Variants in EPHA3 observed in about 807,000 individuals in gnomAD.
EPHA3 encodes ephrin type-A receptor 3.
A neutral mutation model predicts 107.1 loss-of-function variants in EPHA3; 42 were observed. The observed-to-expected ratio is 0.39, with a 90% confidence interval of 0.31 to 0.51. The LOEUF (loss-of-function observed/expected upper bound fraction) is 0.51. Among genes scored for constraint, EPHA3 ranks in the 20% least tolerant of loss-of-function variants. EPHA3 has a pLI of 0.78. For synonymous variants in EPHA3, 461 were observed against 424.8 expected, an observed-to-expected ratio of 1.09 and a Z score of -1.05; for missense variants, 1,183 against 1,211.2, an observed-to-expected ratio of 0.98 and a Z score of 0.35.
intron 11 of EPHA3, 63 bp downstream of exon 11, chr3:89,419,453 C>A: frequency 5.0e-6 from 7 of 1,406,024 alleles, no homozygotes; most frequent in South Asian, 1.6e-5. Context: ...TTAAACCCAA[C>A]CCCAACCATT....
At chr3:89,205,570 C>T (rs1464006183) in intron 2 of EPHA3, among the ~76,000 whole-genome samples, 1 of 152,062 alleles carries the variant, frequency 6.6e-6, no homozygotes, top group African/African-American at 2.4e-5. Flanking sequence ...CCTATGTGGT[C>T]TAATAATTAA....
At chr3:89,169,425 T>C (rs1396975086) in intron 2 of EPHA3, among the ~76,000 whole-genome samples, 1 of 152,186 alleles carries the variant, frequency 6.6e-6, no homozygotes, top group Non-Finnish European at 1.5e-5. Context: ...TCATTCTCTG[T>C]TACTTATAAC....
intron 1 of EPHA3, among the ~76,000 whole-genome samples, chr3:89,117,268 A>ATTTTACT (rs1707280063): frequency 6.6e-6 from 1 of 152,080 alleles, no homozygotes; most frequent in Admixed American, 6.5e-5. Context: ...AGACTTTAAA[A>ATTTTACT]TTTTACTTTT....
At chr3:89,407,807 A>T (rs1223032278) in intron 8 of EPHA3, among the ~76,000 whole-genome samples, 4 of 152,130 alleles carry the variant, frequency 2.6e-5, no homozygotes, top group Non-Finnish European at 4.4e-5. Context: ...CACATTCTAA[A>T]GCCATTATAA....
At chr3:89,351,505 C>T (rs1318388342) in intron 5 of EPHA3, among the ~76,000 whole-genome samples, 15 of 150,244 alleles carry the variant, frequency 1.0e-4, no homozygotes, top group African/African-American at 2.9e-4. Context: ...CACTGGCCTG[C>T]GCCCACTGTC....
chr3:89,224,388 G>A (rs1385491702), intron 3 of EPHA3, among the ~76,000 whole-genome samples: 11 of 152,108 alleles, frequency 7.2e-5, no homozygotes, highest in Non-Finnish European at 1.3e-4. Context: ...GCTGTATTAG[G>A]TAACACCAAA....
At chr3:89,321,469 G>A (rs1707042223) in intron 3 of EPHA3, among the ~76,000 whole-genome samples, 1 of 152,054 alleles carries the variant, frequency 6.6e-6, no homozygotes, top group Admixed American at 6.6e-5. Context: ...ACTCCATTAA[G>A]TCAGTTCTGA....
intron 15 of EPHA3, 25 bp downstream of exon 15, chr3:89,450,395 G>T (rs372505984): frequency 6.3e-7 from 1 of 1,589,226 alleles, no homozygotes; most frequent in Non-Finnish European, 8.6e-7. Context: ...TTGTTATCTG[G>T]CATTCACTCT....
chr3:89,413,595 C>A (rs1696936999), intron 10 of EPHA3, among the ~76,000 whole-genome samples: 1 of 151,726 alleles, frequency 6.6e-6, no homozygotes, highest in East Asian at 1.9e-4. Flanking sequence ...TCAATTTAGA[C>A]AACCCAGGTA....
intron 9 of EPHA3, among the ~76,000 whole-genome samples, chr3:89,410,925 C>T (rs1035250851): frequency 4.0e-5 from 6 of 151,796 alleles, no homozygotes; most frequent in African/African-American, 1.5e-4. Context: ...GTGACTCTCC[C>T]ATCTGTATTT....
intron 15 of EPHA3, 75 bp downstream of exon 15, chr3:89,450,445 A>T (rs2107555774): frequency 7.0e-7 from 1 of 1,433,246 alleles, no homozygotes; most frequent in Non-Finnish European, 9.6e-7. Flanking sequence ...TAATTTTTTT[A>T]GCCCACCCCC....
chr3:89,337,065 A>G (rs1046134575), intron 3 of EPHA3, among the ~76,000 whole-genome samples: 2 of 151,626 alleles, frequency 1.3e-5, no homozygotes, highest in Non-Finnish European at 2.9e-5. Context: ...GCTCAAAAAA[A>G]GAAAAAAAAA....
chr3:89,202,206 A>G (rs1289742777), intron 2 of EPHA3, among the ~76,000 whole-genome samples: 2 of 151,950 alleles, frequency 1.3e-5, no homozygotes, highest in Admixed American at 1.3e-4. Flanking sequence ...GAAAAATCAC[A>G]TTTTGTGGCC....
intron 3 of EPHA3, among the ~76,000 whole-genome samples, chr3:89,306,430 A>C (rs1706623177): frequency 6.6e-6 from 1 of 152,184 alleles, no homozygotes; most frequent in African/African-American, 2.4e-5. Flanking sequence ...GATGCTATGA[A>C]TATTCTGTGG....
intron 3 of EPHA3, among the ~76,000 whole-genome samples, chr3:89,306,002 G>A (rs1706611650): frequency 6.6e-6 from 1 of 152,112 alleles, no homozygotes; most frequent in South Asian, 2.1e-4. Flanking sequence ...CAATAGGTAA[G>A]CCTTCCCAGA....
Position 89,237,587 on chromosome 3 carries a change from G to C in EPHA3, c.814+27067G>C, listed in dbSNP as rs574335717. Reference sequence around the variant, plus strand: ...GACTTGTATAAAAAGTTAGTTGGTGGTGGATGTGTACTGTTGATATCCAAG... The same window carrying C: ...GACTTGTATAAAAAGTTAGTTGGTGCTGGATGTGTACTGTTGATATCCAAG... On this transcript the variant is annotated intron_variant, in intron 3 of 16. Transcript: ENST00000336596. 7.9e-5 allele frequency among the ~76,000 whole-genome samples: 12 copies of C among 152,228 alleles called. No homozygotes were observed. The South Asian group carries it at 2.3e-3, about 29-fold the overall frequency.
At chr3:89,409,182 CA>C (rs1236074113) in intron 9 of EPHA3, among the ~76,000 whole-genome samples, 1 of 151,976 alleles carries the variant, frequency 6.6e-6, no homozygotes, top group Non-Finnish European at 1.5e-5. Flanking sequence ...ATAATTCACA[CA>C]AAAAAGCCAA....
intron 3 of EPHA3, among the ~76,000 whole-genome samples, chr3:89,310,039 C>T (rs1706726949): frequency 6.6e-6 from 1 of 152,166 alleles, no homozygotes; most frequent in East Asian, 1.9e-4. Context: ...ATGGAAAACT[C>T]ACAGGGTGAG....
intron 3 of EPHA3, among the ~76,000 whole-genome samples, chr3:89,266,592 A>C (rs542597002): frequency 6.6e-6 from 1 of 151,936 alleles, no homozygotes; most frequent in Non-Finnish European, 1.5e-5. Flanking sequence ...TTTTTCTCCA[A>C]CCCTAAGAAT....
Sources: gnomAD v4.1 joint callset for allele counts (sites outside exome capture counted in the v4.1 genomes callset) on GRCh38, gnomAD v4.1.1 for gene constraint, MANE v1.5 for transcripts, NCBI Gene and HGNC (gene_info 2026-07-23, HGNC 2026-07-21) for gene names.